The following DENND4C variants were observed in gnomAD, a reference collection of about 807,000 sequenced individuals.
DENND4C encodes the protein DENN domain-containing protein 4C.
A neutral mutation model predicts 203.0 loss-of-function variants in DENND4C; 108 were observed. That is an observed-to-expected ratio of 0.53 (90% confidence interval 0.46 to 0.62). DENND4C has a LOEUF of 0.62. Among genes scored for constraint, DENND4C ranks in the 20% least tolerant of loss-of-function variants. DENND4C has a pLI of 0.00. For synonymous variants in DENND4C, 871 were observed against 792.4 expected, an observed-to-expected ratio of 1.10 and a Z score of -1.67; for missense variants, 2,481 against 2,301.2, an observed-to-expected ratio of 1.08 and a Z score of -1.60.
intron 12 of DENND4C, among the ~76,000 whole-genome samples, chr9:19,318,155 C>T (rs369345116): frequency 6.6e-6 from 1 of 151,980 alleles, no homozygotes; most frequent in South Asian, 2.1e-4. Context: ...CCTGTCTCTA[C>T]GAAAAATATA....
At position 19,346,413 on chromosome 9, in the gene DENND4C, A is replaced by C. The variant is rs1563826914; in HGVS notation, c.3644A>C (p.Asn1215Thr). ...YESLLSDSNS[N>T]QSRDLKTVSK... ...AGTCTACTAAGTGATAGTAACAGTA[A>C]TCAGTCCAGAGACTTGAAAACAGTA... Residue 1215 changes from asparagine (N) to threonine (T), a missense_variant, in exon 23 of 33, where the codon AAT (asparagine) becomes ACT (threonine). By Grantham distance (65) the Asn-to-Thr change is moderately conservative. Coordinates refer to ENST00000434457, the MANE Select transcript of DENND4C (RefSeq NM_001330640.2). 6.2e-7 allele frequency: 1 copy of C among 1,614,168 alleles called. No individual in the cohort carries two copies. Among genetic ancestry groups the C allele is most frequent in the Non-Finnish European group, 8.5e-7 (1 of 1,180,020 alleles).
chr9:19,357,466 G>A, intron 27 of DENND4C: 1 of 298,140 alleles, frequency 3.4e-6, no homozygotes, highest in Non-Finnish European at 6.3e-6. Context: ...TGTACACTTG[G>A]CCCTTAAATA....
chr9:19,345,780 T>A, intron 22 of DENND4C, 141 bp from the exon 23 acceptor site: 1 of 785,388 alleles, frequency 1.3e-6, no homozygotes, highest in Non-Finnish European at 1.9e-6. Context: ...CTTTTTTTTA[T>A]ACTTTCTTTA....
At position 19,345,295 on chromosome 9, in the gene DENND4C, G is replaced by C. The variant is rs140485099; in HGVS notation, c.3152-626G>C. Among the ~76,000 whole-genome samples the C allele has an allele frequency of 4.0e-3, 614 of 152,312 alleles. 3 individuals are homozygous for C. The highest frequency in any genetic ancestry group is 0.014 in the African/African-American group (594 of 41,562). On this transcript the variant is annotated intron_variant, in intron 22 of 32. Coordinates refer to ENST00000434457, the MANE Select transcript of DENND4C (RefSeq NM_001330640.2). Reference sequence around the variant, plus strand: ...ACCTGATCAAATAAGACTGACTTCTGTGAAGGCTAGGATTATGTCTGTTTT... The same window carrying C: ...ACCTGATCAAATAAGACTGACTTCTCTGAAGGCTAGGATTATGTCTGTTTT...
chr9:19,243,753 T>C (rs928358729), intron 1 of DENND4C, among the ~76,000 whole-genome samples: 21 of 152,212 alleles, frequency 1.4e-4, no homozygotes, highest in African/African-American at 4.8e-4. Context: ...GATAGGCATT[T>C]ACATTGCTTC....
At chr9:19,234,615 A>G (rs1302476040) in intron 1 of DENND4C, among the ~76,000 whole-genome samples, 1 of 138,202 alleles carries the variant, frequency 7.2e-6, no homozygotes, top group Non-Finnish European at 1.5e-5. Flanking sequence ...TGCAGCCTCT[A>G]CCTCCCGGGT....
intron 12 of DENND4C, among the ~76,000 whole-genome samples, chr9:19,323,617 G>A (rs547613428): frequency 6.6e-6 from 1 of 152,238 alleles, no homozygotes; most frequent in South Asian, 2.1e-4. Context: ...GGAAATTGTG[G>A]AATAGTCAGA....
chr9:19,327,944 G>A (rs1042244180), intron 15 of DENND4C, 86 bp from the exon 16 acceptor site: 1 of 1,294,030 alleles, frequency 7.7e-7, no homozygotes. Context: ...ACTATTTGAA[G>A]TTTAGAAATA....
intron 22 of DENND4C, among the ~76,000 whole-genome samples, chr9:19,343,220 C>T (rs1563823280): frequency 1.3e-5 from 2 of 152,138 alleles, no homozygotes; most frequent in Non-Finnish European, 2.9e-5. Flanking sequence ...GCCAGTGGAT[C>T]TTTGATTTTG....
At chr9:19,263,122 A>G (rs749567697) in intron 1 of DENND4C, among the ~76,000 whole-genome samples, 5 of 152,132 alleles carry the variant, frequency 3.3e-5, no homozygotes, top group African/African-American at 7.2e-5. Context: ...TCTATAACCA[A>G]TTTTTGAGAG....
intron 2 of DENND4C, among the ~76,000 whole-genome samples, chr9:19,283,753 G>A (rs985670624): frequency 6.7e-6 from 1 of 150,258 alleles, no homozygotes; most frequent in Admixed American, 6.7e-5. Context: ...CTGCCACCAT[G>A]CCAGGCTAAT....
At chr9:19,333,713 C>G (rs967782766) in intron 17 of DENND4C, among the ~76,000 whole-genome samples, 15 of 152,124 alleles carry the variant, frequency 9.9e-5, no homozygotes, top group African/African-American at 2.4e-5. Flanking sequence ...AGAAACCATC[C>G]TAAGAAGTAG....
intron 2 of DENND4C, among the ~76,000 whole-genome samples, chr9:19,276,950 C>G (rs1833004805): frequency 6.6e-6 from 1 of 151,690 alleles, no homozygotes; most frequent in Non-Finnish European, 1.5e-5. Context: ...AGGGTGTTTA[C>G]AGATAAGTGC....
intron 12 of DENND4C, among the ~76,000 whole-genome samples, chr9:19,319,778 A>C (rs1842576803): frequency 6.6e-6 from 1 of 152,138 alleles, no homozygotes; most frequent in South Asian, 2.1e-4. Context: ...TAACTATCTT[A>C]ATAAGTGTGT....
At chr9:19,299,453 CTG>C (rs2131301736) in intron 8 of DENND4C, among the ~76,000 whole-genome samples, 166 bp downstream of exon 8, 1 of 152,134 alleles carries the variant, frequency 6.6e-6, no homozygotes, top group South Asian at 2.1e-4. Context: ...ACTTTGGTAA[CTG>C]GGTGGATGGT....
chr9:19,331,202 A>G (rs185208116), intron 16 of DENND4C, among the ~76,000 whole-genome samples: 42 of 150,942 alleles, frequency 2.8e-4, no homozygotes, highest in Middle Eastern at 3.4e-3. Context: ...GCAAAGGAAT[A>G]GGTCCTTTTT....
intron 13 of DENND4C, among the ~76,000 whole-genome samples, chr9:19,325,055 C>A (rs926898077): frequency 6.6e-6 from 1 of 152,020 alleles, no homozygotes; most frequent in Admixed American, 6.6e-5. Context: ...CGTTTTACAA[C>A]TATTGAGTTG....
intron 2 of DENND4C, among the ~76,000 whole-genome samples, chr9:19,285,353 A>G (rs571218132): frequency 1.2e-4 from 19 of 152,262 alleles, no homozygotes; most frequent in East Asian, 5.8e-4. Context: ...GTACAATTCA[A>G]TGGTTTTTAG....
At chr9:19,321,320 A>C (rs1842836238) in intron 12 of DENND4C, among the ~76,000 whole-genome samples, 1 of 152,170 alleles carries the variant, frequency 6.6e-6, no homozygotes, top group Non-Finnish European at 1.5e-5. Flanking sequence ...AATTAGATTG[A>C]GTAGAACCTG....
Sources: allele counts gnomAD v4.1 joint callset (sites outside exome capture counted in the v4.1 genomes callset), GRCh38; gene constraint gnomAD v4.1.1; transcripts MANE v1.5; gene names NCBI Gene and HGNC (gene_info 2026-07-23, HGNC 2026-07-21).